SFRP4: variants seen among roughly 807,000 people sequenced by gnomAD.
SFRP4 encodes the protein secreted frizzled-related protein 4.
A neutral mutation model predicts 36.3 loss-of-function variants in SFRP4; 25 were observed. That is an observed-to-expected ratio of 0.69 (90% confidence interval 0.50 to 0.96). SFRP4 has a LOEUF of 0.96. Ranked by LOEUF, SFRP4 falls within the 40% of genes least tolerant of loss-of-function variation. SFRP4 has a pLI of 0.00. For synonymous variants in SFRP4, 182 were observed against 168.8 expected (o/e 1.08, Z -0.60); for missense variants, 487 against 459.6 (o/e 1.06, Z -0.54).
At chr7:37,910,152 A>C (rs1426930837) in intron 4 of SFRP4, among the ~76,000 whole-genome samples, 3 of 151,950 alleles carry the variant, frequency 2.0e-5, no homozygotes, top group Non-Finnish European at 2.9e-5. Context: ...AAGGGTATGT[A>C]TTTTTTAAAA....
intron 3 of SFRP4, among the ~76,000 whole-genome samples, chr7:37,913,064 C>A (rs1056259630): frequency 9.2e-5 from 14 of 152,128 alleles, no homozygotes; most frequent in Non-Finnish European, 1.8e-4. Flanking sequence ...GGCCATAACA[C>A]CCCAGAGAAT....
intron 3 of SFRP4, among the ~76,000 whole-genome samples, chr7:37,912,745 A>G (rs1480679869): frequency 6.6e-6 from 1 of 152,224 alleles, no homozygotes; most frequent in African/African-American, 2.4e-5. Context: ...AGAGATAGTC[A>G]TTAGTCATAA....
At chr7:37,910,440 T>C in intron 4 of SFRP4, among the ~76,000 whole-genome samples, 1 of 151,992 alleles carries the variant, frequency 6.6e-6, no homozygotes, top group South Asian at 2.1e-4. Flanking sequence ...TTTTCATATC[T>C]TTTCAAGTAT....
intron 4 of SFRP4, among the ~76,000 whole-genome samples, chr7:37,911,630 C>T (rs1325907744): frequency 2.7e-5 from 4 of 147,790 alleles, no homozygotes; most frequent in Non-Finnish European, 4.5e-5. Flanking sequence ...ATCACATATC[C>T]GATTCAGAAA....
rs567529783 is a variant in SFRP4 at position 37,906,939 on chromosome 7, C to T, written c.*540G>A. ...CTTCTCTAGATTTTTCAAAAAATCC[C>T]CTTTCATCACAAAAATCCTTCTGCA... On this transcript the variant is annotated 3_prime_UTR_variant, in exon 6 of 6. Transcript: ENST00000436072. The T allele has an allele frequency of 1.3e-5, 2 of 152,168 alleles. No individual in the cohort carries two copies. The highest frequency in any genetic ancestry group is 3.9e-4 in the East Asian group (2 of 5,186). 9.4% of individuals were successfully genotyped at this position (152,168 alleles called of 1,614,324 possible).
chr7:37,912,498 A>G (rs574165282), intron 3 of SFRP4, among the ~76,000 whole-genome samples, 181 bp from the exon 4 acceptor site: 2 of 152,276 alleles, frequency 1.3e-5, no homozygotes, highest in African/African-American at 4.8e-5. Context: ...ATGGTGTCCT[A>G]TATTGTCAAC....
At chr7:37,915,352 T>C (rs2722315) in intron 1 of SFRP4, among the ~76,000 whole-genome samples, 65,315 of 152,152 alleles carry the variant, frequency 0.43, 14,307 homozygotes, top group East Asian at 0.64. Flanking sequence ...CTTCAGAGAT[T>C]CCAGCACAGC....
intron 4 of SFRP4, 82 bp downstream of exon 4, chr7:37,912,037 T>C: frequency 1.8e-6 from 2 of 1,104,324 alleles, no homozygotes; most frequent in Non-Finnish European, 2.6e-6. Flanking sequence ...ATTTTTGTTA[T>C]ATTTTTAAAC....
In SFRP4 at chr7:37,914,354, C is replaced by T; in HGVS notation, c.526+19G>A. On this transcript the variant is annotated intron_variant, in intron 2 of 5. Transcript: ENST00000436072. Reference sequence around the variant, plus strand: ...TGGAGAGGAGAAGTAGAGGGAACGTCCATGAAGAAAGAACTCACCGGGGCT... The same window carrying T: ...TGGAGAGGAGAAGTAGAGGGAACGTTCATGAAGAAAGAACTCACCGGGGCT... 1 of 1,611,350 alleles carries T rather than the reference C, an allele frequency of 6.2e-7. No individual in the cohort carries two copies. The highest frequency in any genetic ancestry group is 8.5e-7 in the Non-Finnish European group (1 of 1,177,464).
Position 37,916,645 on chromosome 7 carries a change from C to T in SFRP4, c.-108G>A. On this transcript the variant is annotated 5_prime_UTR_variant, in exon 1 of 6. Transcript: ENST00000436072. The surrounding 1 kb of genome is among the most constrained non-coding windows in gnomAD (Gnocchi z 4.1). The stretch of plus-strand genomic sequence containing the variant: ...GCCGAGGAAGAAATCCTCTGGGGCG[C>T]AGGAGAGTTTCTTCCCCCAAACTCC... 6.9e-7 allele frequency: 1 copy of T among 1,445,192 alleles called. No homozygotes were observed. Among genetic ancestry groups the T allele is most frequent in the Non-Finnish European group, 9.2e-7 (1 of 1,090,540 alleles). 89.5% of individuals were successfully genotyped at this position (1,445,192 alleles called of 1,614,324 possible). A position where few individuals can be genotyped will look rare whatever the true frequency, so the allele number is the denominator to read the frequency against.
In SFRP4 at chr7:37,912,064, G is replaced by C. The variant is rs930657406; in HGVS notation, c.791+55C>G. ...TTTTTAAACCATGACTGCTAACTGA[G>C]ATTGAGGTCTTCCTAACAGTGTGCA... On this transcript the variant is annotated intron_variant, in intron 4 of 5. Coordinates refer to ENST00000436072, the MANE Select transcript of SFRP4 (RefSeq NM_003014.4). 3 of 1,346,438 alleles carry C rather than the reference G, an allele frequency of 2.2e-6. No individual in the cohort carries two copies. In the African/African-American group the frequency reaches 4.3e-5, roughly 20 times the overall value. 83.4% of individuals were successfully genotyped at this position (1,346,438 alleles called of 1,614,324 possible).
chr7:37,911,487 C>CA lies in SFRP4; in HGVS notation c.791+631dup, dbSNP rs201798095. Among the ~76,000 whole-genome samples, 813 of 151,508 alleles carry CA rather than the reference C, an allele frequency of 5.4e-3. 7 individuals are homozygous for CA. Among genetic ancestry groups the CA allele is most frequent in the African/African-American group, 0.017 (705 of 41,316 alleles). On this transcript the variant is annotated intron_variant, in intron 4 of 5. Transcript: ENST00000436072. Reference sequence around the variant, plus strand: ...ATATTACAAGTAATGTACCAATATCCAAAAAAAATAAGAAAGAAAGAGAGG... The same window carrying CA: ...ATATTACAAGTAATGTACCAATATCCAAAAAAAAATAAGAAAGAAAGAGAGG...
In SFRP4 at chr7:37,914,435, A is replaced by T; in HGVS notation, c.464T>A (p.Ile155Asn). 1 of 1,613,864 alleles carries T rather than the reference A, an allele frequency of 6.2e-7. No homozygotes were observed. The highest frequency in any genetic ancestry group is 8.5e-7 in the Non-Finnish European group (1 of 1,179,700). The part of the protein sequence containing the change: ...DLPEDVKWID[I>N]TPDMMVQERP... Reference sequence around the variant, plus strand: ...TTCCTGTACCATCATGTCTGGTGTGATGTCTATCCACTTAACATCTGAAAC... The same window carrying T: ...TTCCTGTACCATCATGTCTGGTGTGTTGTCTATCCACTTAACATCTGAAAC... Residue 155 changes from isoleucine to asparagine, a missense_variant, in exon 2 of 6, where the codon ATC becomes AAC. Ile to Asn is a moderately radical substitution (Grantham distance 149). Transcript: ENST00000436072.
In SFRP4 at chr7:37,909,608, G is replaced by T. The variant is rs749279302; in HGVS notation, c.855+9C>A. ...CATCCATCTTCACAGCATTGTTCAT[G>T]ATACTTACTATGGATCTTTTACTAA... On this transcript the variant is annotated intron_variant, in intron 5 of 5. Transcript: ENST00000436072. The T allele has an allele frequency of 1.3e-6, 2 of 1,521,492 alleles. No homozygotes were observed. Among genetic ancestry groups the T allele is most frequent in the Admixed American group, 1.9e-5 (1 of 53,502 alleles). The allele number at this position is 1,521,492 out of a possible 1,614,324, so 94.2% of individuals were successfully genotyped here.
Position 37,916,100 on chromosome 7 carries a change from G to A in SFRP4, c.438C>T (p.Leu146=). 1 of 1,611,220 alleles carries A rather than the reference G, an allele frequency of 6.2e-7. No homozygotes were observed. Among genetic ancestry groups the A allele is most frequent in the African/African-American group, 1.3e-5 (1 of 74,968 alleles). ...TCCTTCCTACGGCCTCACCCTCCGG[G>A]AGGTCCGTGACGATGGCTTCAGGCG... ...CISPEAIVTD[L]PEDVKWIDIT... Residue 146 remains leucine (L), a synonymous_variant, in exon 1 of 6, where the codon CTC becomes CTT. Transcript: ENST00000436072. The surrounding 1 kb of genome is among the most constrained non-coding windows in gnomAD (Gnocchi z 4.1).
Position 37,910,901 on chromosome 7 carries a change from T to G in SFRP4, c.791+1218A>C, listed in dbSNP as rs528886744. Among the ~76,000 whole-genome samples the G allele has an allele frequency of 5.3e-5, 8 of 152,328 alleles. No homozygotes were observed. In the East Asian group the frequency reaches 1.5e-3, roughly 29 times the overall value. ...TTAACAAGTGTAACTTTACACCAGG[T>G]TTGCGGGTCTCATAAGGCAGATTTC... On this transcript the variant is annotated intron_variant, in intron 4 of 5. Coordinates refer to ENST00000436072, the MANE Select transcript of SFRP4 (RefSeq NM_003014.4).
chr7:37,911,302 AG>A (rs1453691622), intron 4 of SFRP4, among the ~76,000 whole-genome samples: 1 of 152,220 alleles, frequency 6.6e-6, no homozygotes, highest in Non-Finnish European at 1.5e-5. Context: ...TTCTTTTCAG[AG>A]GAATAGTCTT....
At position 37,916,812 on chromosome 7, in the gene SFRP4, G is replaced by A. The variant is rs976672332; in HGVS notation, c.-275C>T. 5 of 530,598 alleles carry A rather than the reference G, an allele frequency of 9.4e-6. No homozygotes were observed. Among genetic ancestry groups the A allele is most frequent in the African/African-American group, 3.9e-5 (2 of 51,462 alleles). The allele number at this position is 530,598 out of a possible 1,614,324, so 32.9% of individuals were successfully genotyped here. A position where few individuals can be genotyped will look rare whatever the true frequency, so the allele number is the denominator to read the frequency against. ...AGTCCCGGACTCCGCAGCTCGGAGC[G>A]CAGCCAGCCACGGCCATTGCGGGAC... On this transcript the variant is annotated 5_prime_UTR_variant, in exon 1 of 6. Coordinates refer to ENST00000436072, the MANE Select transcript of SFRP4 (RefSeq NM_003014.4). The surrounding 1 kb of genome is among the most constrained non-coding windows in gnomAD (Gnocchi z 4.1).
intron 4 of SFRP4, 199 bp from the exon 5 acceptor site, chr7:37,909,879 T>A: frequency 5.9e-6 from 2 of 340,204 alleles, no homozygotes; most frequent in South Asian, 1.8e-4. Flanking sequence ...TGTATTGAGA[T>A]GATCTGCTGA....
Sources: allele counts gnomAD v4.1 joint callset (sites outside exome capture counted in the v4.1 genomes callset), GRCh38; gene constraint gnomAD v4.1.1; non-coding constraint Gnocchi (gnomAD v3.1); transcripts MANE v1.5; gene names NCBI Gene and HGNC (gene_info 2026-07-23, HGNC 2026-07-21).